Variants in RNASEH2B observed in about 807,000 individuals in gnomAD.
The protein encoded by RNASEH2B is ribonuclease H2 subunit B.
A neutral mutation model predicts 45.0 loss-of-function variants in RNASEH2B; 36 were observed. The ratio of observed to expected loss-of-function variants is 0.80; its 90% confidence interval spans 0.61 to 1.06. RNASEH2B has a LOEUF of 1.06. Among genes scored for constraint, RNASEH2B ranks in the 50% least tolerant of loss-of-function variants. RNASEH2B has a pLI of 0.00. For missense variants in RNASEH2B, 361 were observed against 360.3 expected, an observed-to-expected ratio of 1.00 and a Z score of -0.02; for synonymous variants, 119 against 125.7, an observed-to-expected ratio of 0.95 and a Z score of 0.35.
chr13:50,949,498 C>T lies in RNASEH2B; in HGVS notation c.734C>T (p.Pro245Leu), dbSNP rs190327832. Residue 245 changes from proline (P) to leucine (L), a missense_variant, in exon 9 of 11, where the codon CCA becomes CTA. Transcript: ENST00000336617. ...CCTTCAGCCTCATTGCCAAATCCTC[C>T]ATCAAAGGTAAGAAGCTGTGACTAA... Reference protein sequence around the residue: ...PEPSASLPNPPSKKIKLSDEP... With the variant: ...PEPSASLPNPLSKKIKLSDEP... The T allele has an allele frequency of 1.9e-5, 30 of 1,613,192 alleles. No homozygotes were observed. The East Asian group carries it at 6.5e-4, about 35-fold the overall frequency.
chr13:50,934,786 G>C, intron 4 of RNASEH2B, 99 bp from the exon 5 acceptor site: 1 of 845,620 alleles, frequency 1.2e-6, no homozygotes, highest in Non-Finnish European at 2.0e-6. Context: ...TCTGCACTAA[G>C]TTTAAAGGCC....
At chr13:50,946,456 A>T (rs1299620623) in intron 7 of RNASEH2B, among the ~76,000 whole-genome samples, 2 of 152,186 alleles carry the variant, frequency 1.3e-5, no homozygotes, top group Admixed American at 1.3e-4. Flanking sequence ...GGTGGACAGC[A>T]CCTTTGCCAT....
chr13:50,919,461 C>T (rs941683357), intron 1 of RNASEH2B, among the ~76,000 whole-genome samples: 1 of 152,242 alleles, frequency 6.6e-6, no homozygotes, highest in East Asian at 1.9e-4. Context: ...TCCCTCCTTT[C>T]TCTTCCTTCT....
At chr13:50,958,302 TGCATATG>T (rs1278383256), downstream of RNASEH2B, among the ~76,000 whole-genome samples, 1 of 152,236 alleles carries the variant, frequency 6.6e-6, no homozygotes, top group Non-Finnish European at 1.5e-5. Flanking sequence ...TTTATTCCTC[TGCATATG>T]GCTGGTCAGT....
At chr13:50,921,510 A>G (rs919975410) in intron 1 of RNASEH2B, among the ~76,000 whole-genome samples, 21 of 152,350 alleles carry the variant, frequency 1.4e-4, no homozygotes, top group Admixed American at 1.4e-3. Flanking sequence ...CTGTTGGGTG[A>G]GAGGCTGGTC....
At chr13:50,950,558 T>G (rs1420024594) in intron 9 of RNASEH2B, 1 of 152,188 alleles carries the variant, frequency 6.6e-6, no homozygotes, top group African/African-American at 2.4e-5. Context: ...GCGTCTTTCA[T>G]TCCGGTAGTT....
chr13:50,920,050 T>C (rs1951498751), intron 1 of RNASEH2B, among the ~76,000 whole-genome samples: 1 of 144,056 alleles, frequency 6.9e-6, no homozygotes, highest in Non-Finnish European at 1.5e-5. Context: ...TTTTGTTTTG[T>C]TTTGACAGAG....
At chr13:50,948,265 G>A in intron 8 of RNASEH2B, 197 bp downstream of exon 8, 3 of 782,794 alleles carry the variant, frequency 3.8e-6, no homozygotes, top group Non-Finnish European at 5.6e-6. Flanking sequence ...ACGGATTGCA[G>A]GAACTAGTGA....
At position 50,910,098 on chromosome 13, in the gene RNASEH2B, G is replaced by C; in HGVS notation, c.22G>C (p.Gly8Arg). The C allele has an allele frequency of 6.8e-7, 1 of 1,463,292 alleles. No homozygotes were observed. Among genetic ancestry groups the C allele is most frequent in the Non-Finnish European group, 9.0e-7 (1 of 1,110,696 alleles). 90.6% of individuals were successfully genotyped at this position (1,463,292 alleles called of 1,614,324 possible). The stretch of plus-strand genomic sequence containing the variant: ...CGGCATGGCCGCTGGCGTGGACTGC[G>C]GGGACGGGGTTGGCGCCCGGCAGCA... The part of the protein sequence containing the change: MAAGVDC[G>R]DGVGARQHVF... The change falls in exon 1 of 11, where the codon GGG becomes CGG. Residue 8 changes from glycine to arginine, a missense_variant. Physicochemically the swap from Gly to Arg is moderately radical, Grantham distance 125. Coordinates refer to ENST00000336617, the MANE Select transcript of RNASEH2B (RefSeq NM_024570.4).
chr13:50,930,182 G>A (rs912597264), intron 3 of RNASEH2B: 5 of 222,546 alleles, frequency 2.2e-5, no homozygotes, highest in Admixed American at 1.6e-4. Flanking sequence ...GCTATTCAAA[G>A]AATCCTACAT....
At chr13:50,943,478 C>A in intron 6 of RNASEH2B, 84 bp downstream of exon 6, 2 of 927,216 alleles carry the variant, frequency 2.2e-6, no homozygotes, top group Non-Finnish European at 3.6e-6. Flanking sequence ...AAGTCTGAAT[C>A]CAGAGACCAT....
chr13:50,930,588 TTTTCA>T, intron 3 of RNASEH2B, 90 bp from the exon 4 acceptor site: 1 of 914,246 alleles, frequency 1.1e-6, no homozygotes, highest in Non-Finnish European at 1.8e-6. Context: ...TCACATATAT[TTTTCA>T]ACACTGTTTT....
At position 50,917,829 on chromosome 13, in the gene RNASEH2B, G is replaced by A. The variant is rs558056126; in HGVS notation, c.64+7689G>A. Among the ~76,000 whole-genome samples the A allele has an allele frequency of 2.6e-5, 4 of 152,224 alleles. No homozygotes were observed. The East Asian group carries it at 7.8e-4, about 30-fold the overall frequency. ...AACTGCTCTCAGTTTGATGACTAGGGACCAGACATACCTCCTTCCCTGGAA... is the reference window on the plus strand; with the variant it reads ...AACTGCTCTCAGTTTGATGACTAGGAACCAGACATACCTCCTTCCCTGGAA... On this transcript the variant is annotated intron_variant, in intron 1 of 10. Transcript: ENST00000336617.
chr13:50,917,656 C>G (rs1412723454), intron 1 of RNASEH2B, among the ~76,000 whole-genome samples: 1 of 152,180 alleles, frequency 6.6e-6, no homozygotes, highest in African/African-American at 2.4e-5. Flanking sequence ...AATCTGTCAA[C>G]ATACAATAGA....
intron 1 of RNASEH2B, among the ~76,000 whole-genome samples, chr13:50,923,553 T>C (rs959559445): frequency 2.9e-4 from 44 of 152,250 alleles, no homozygotes; most frequent in African/African-American, 1.0e-3. Flanking sequence ...AAAGAGAGTC[T>C]CAACAAAGAA....
chr13:50,911,339 T>C (rs1337467379), intron 1 of RNASEH2B: 1 of 152,264 alleles, frequency 6.6e-6, no homozygotes, highest in Non-Finnish European at 1.5e-5. Flanking sequence ...GGTTGGTTAG[T>C]TTTTTCATTG....
At position 50,954,205 on chromosome 13, in the gene RNASEH2B, A is replaced by T. The variant is rs1199112618; in HGVS notation, c.822+220A>T. The T allele has an allele frequency of 6.5e-6, 4 of 613,330 alleles. No homozygotes were observed. In the Admixed American group the frequency reaches 8.4e-5, roughly 13 times the overall value. The allele number at this position is 613,330 out of a possible 1,614,324, so 38.0% of individuals were successfully genotyped here. A position where few individuals can be genotyped will look rare whatever the true frequency, so the allele number is the denominator to read the frequency against. On this transcript the variant is annotated intron_variant, in intron 10 of 10. Transcript: ENST00000336617. ...GTCAGAGAAAAACAATATACTACTT[A>T]TCAAGAGTGTGCCTAAATTTTGCTA...
intron 5 of RNASEH2B, chr13:50,941,933 G>A (rs1250135612): frequency 1.3e-5 from 2 of 152,498 alleles, no homozygotes; most frequent in African/African-American, 2.4e-5. Flanking sequence ...ACAACCATAG[G>A]CTGAAACAGA....
chr13:50,956,236 T>C (rs1331652722), intron 10 of RNASEH2B, 122 bp from the exon 11 acceptor site: 1 of 763,972 alleles, frequency 1.3e-6, no homozygotes, highest in Non-Finnish European at 2.2e-6. Context: ...TTATGAAGCA[T>C]GTTAGTGGGG....
Sources: gnomAD v4.1 joint callset for allele counts (sites outside exome capture counted in the v4.1 genomes callset) on GRCh38, gnomAD v4.1.1 for gene constraint, MANE v1.5 for transcripts, NCBI Gene and HGNC (gene_info 2026-07-23, HGNC 2026-07-21) for gene names.